MRPS27: variants seen among roughly 807,000 people sequenced by gnomAD.
The protein encoded by MRPS27 is small ribosomal subunit protein mS27.
Under a neutral mutation model 48.9 loss-of-function variants are expected in MRPS27, and 43 were observed. The observed-to-expected ratio is 0.88, with a 90% CI of 0.69 to 1.13. The LOEUF (loss-of-function observed/expected upper bound fraction) is 1.13, where lower values mean the gene tolerates loss of function less well. MRPS27 is among the 50% of genes most tolerant of loss of function. MRPS27 has a pLI of 0.00. For synonymous variants in MRPS27, 188 were observed against 171.9 expected (o/e 1.09, Z -0.73); for missense variants, 467 against 476.3 (o/e 0.98, Z 0.18).
rs1378175817 is a variant in MRPS27, at chr5:72,220,219, C to G, written c.*690G>C. The stretch of plus-strand genomic sequence containing the variant: ...TGTACCTGGGCTGGGGAGAGGGAGA[C>G]CATTCAAAAGCCTGTGCTTGGCCGG... On this transcript the variant is annotated 3_prime_UTR_variant, in exon 11 of 11. Transcript: ENST00000261413. The G allele has an allele frequency of 6.5e-6, 1 of 153,076 alleles. No homozygotes were observed. Among genetic ancestry groups the G allele is most frequent in the African/African-American group, 2.4e-5 (1 of 41,454 alleles). 9.5% of individuals were successfully genotyped at this position (153,076 alleles called of 1,614,324 possible). A position where few individuals can be genotyped will look rare whatever the true frequency, so the allele number is the denominator to read the frequency against.
intron 9 of MRPS27, among the ~76,000 whole-genome samples, chr5:72,225,380 A>G (rs867404826): frequency 6.6e-6 from 1 of 152,068 alleles, no homozygotes; most frequent in African/African-American, 2.4e-5. Context: ...CCTTCTCAGG[A>G]CTCACACTGG....
chr5:72,232,462 G>T lies in MRPS27; in HGVS notation c.572C>A (p.Ala191Glu). 1 of 1,611,494 alleles carries T rather than the reference G, an allele frequency of 6.2e-7. No homozygotes were observed. Among genetic ancestry groups the T allele is most frequent in the Non-Finnish European group, 8.5e-7 (1 of 1,178,272 alleles). Residue 191 changes from alanine (A) to glutamate (E), a missense_variant, in exon 7 of 11, where the codon GCA becomes GAA. Transcript: ENST00000261413. ...ACTTACACTGAAGTCTGTCTTCTTT[G>T]CCAGGCAATGAAATAAAACATAGAG... ...LSLYVLFHCL[A>E]KKTDFSWEEE...
chr5:72,297,655 C>A lies in MRPS27; in HGVS notation c.199G>T (p.Val67Phe). The A allele has an allele frequency of 6.2e-7, 1 of 1,601,566 alleles. No homozygotes were observed. The highest frequency in any genetic ancestry group is 8.5e-7 in the Non-Finnish European group (1 of 1,174,096). The change falls in exon 3 of 11, where the codon GTT becomes TTT. Residue 67 changes from valine to phenylalanine, a missense_variant. By Grantham distance (50) the Val-to-Phe change is conservative. Transcript: ENST00000261413. ...MDKTFERKLPVSSLTISRLID... is the reference protein window; with the variant it reads ...MDKTFERKLPFSSLTISRLID... ...ACCCGTGATATTGTTAAAGAACTAA[C>A]AGGCAACTTTCTCTCAAATGTTTTA...
At chr5:72,229,226 A>G (rs942929318) in intron 7 of MRPS27, 1 of 152,184 alleles carries the variant, frequency 6.6e-6, no homozygotes, top group Non-Finnish European at 1.5e-5. Flanking sequence ...CTGCACCAAG[A>G]GATTAGGGAG....
At chr5:72,234,238 T>G (rs776519107) in intron 5 of MRPS27, 41 bp from the exon 6 acceptor site, 11 of 1,384,856 alleles carry the variant, frequency 7.9e-6, no homozygotes, top group Middle Eastern at 2.5e-4. Flanking sequence ...AAGAGAAAAT[T>G]ATCTAATTTA....
intron 4 of MRPS27, among the ~76,000 whole-genome samples, chr5:72,278,747 A>C (rs1314457967): frequency 6.6e-6 from 1 of 151,770 alleles, no homozygotes; most frequent in Non-Finnish European, 1.5e-5. Context: ...TTTTTTACTC[A>C]TTATGTTTTG....
intron 1 of MRPS27, among the ~76,000 whole-genome samples, chr5:72,315,240 C>T (rs1750534716): frequency 6.6e-6 from 1 of 151,626 alleles, no homozygotes; most frequent in African/African-American, 2.4e-5. Flanking sequence ...AATCTTACAA[C>T]TCAAAAATAA....
Position 72,312,772 on chromosome 5 carries a change from C to T in MRPS27, c.151+1309G>A, listed in dbSNP as rs202227930. On this transcript the variant is annotated intron_variant, in intron 2 of 10. Transcript: ENST00000261413. Reference sequence around the variant, plus strand: ...AGTAGCTGGGATTACAGATGCCTGCCACTGCGCCCGGCTAATTTTTGTATT... The same window carrying T: ...AGTAGCTGGGATTACAGATGCCTGCTACTGCGCCCGGCTAATTTTTGTATT... 3.0e-4 allele frequency among the ~76,000 whole-genome samples: 46 copies of T among 151,996 alleles called. No individual in the cohort carries two copies. The East Asian group carries it at 7.2e-3, about 24-fold the overall frequency.
chr5:72,253,187 C>T (rs1025481899), intron 4 of MRPS27, among the ~76,000 whole-genome samples: 6 of 152,158 alleles, frequency 3.9e-5, no homozygotes, highest in African/African-American at 9.7e-5. Flanking sequence ...CTGCTAACTC[C>T]ATTACTTTTG....
At chr5:72,281,930 A>T (rs998444078) in intron 4 of MRPS27, among the ~76,000 whole-genome samples, 1 of 152,200 alleles carries the variant, frequency 6.6e-6, no homozygotes, top group African/African-American at 2.4e-5. Flanking sequence ...CATAATGAAT[A>T]CACTGTTCAT....
intron 4 of MRPS27, among the ~76,000 whole-genome samples, chr5:72,280,616 A>T (rs888220381): frequency 2.6e-5 from 4 of 152,374 alleles, no homozygotes; most frequent in Non-Finnish European, 5.9e-5. Flanking sequence ...AACATTAAAC[A>T]ACTTTAGCCA....
intron 4 of MRPS27, chr5:72,288,805 T>C (rs1466960098): frequency 1.3e-5 from 2 of 152,194 alleles, no homozygotes; most frequent in African/African-American, 4.8e-5. Flanking sequence ...ACAGAAAAAT[T>C]TAAGATTACC....
intron 1 of MRPS27, among the ~76,000 whole-genome samples, chr5:72,315,316 A>G (rs571457718): frequency 9.2e-5 from 14 of 152,280 alleles, no homozygotes; most frequent in African/African-American, 3.1e-4. Flanking sequence ...AAAAACATAT[A>G]TACACTGAGG....
rs1472854042 is a variant in MRPS27 at position 72,223,774 on chromosome 5, T to G, written c.914A>C (p.Glu305Ala). Residue 305 changes from glutamate to alanine, a missense_variant, in exon 10 of 11, where the codon GAA becomes GCA. Glu to Ala is a moderately radical substitution (Grantham distance 107). Transcript: ENST00000261413. ...CAGTTTTTCTGACCCCTGGTTGTCT[T>G]CATCATTTTGGGACTGCTCCTCTGA... is the stretch of plus-strand genomic sequence containing the variant. ...GASEEQSQND[E>A]DNQGSEKLVE... The G allele has an allele frequency of 3.7e-6, 6 of 1,613,904 alleles. No homozygotes were observed. The highest frequency in any genetic ancestry group is 5.1e-6 in the Non-Finnish European group (6 of 1,179,948).
intron 4 of MRPS27, among the ~76,000 whole-genome samples, chr5:72,258,577 G>T (rs1485827969): frequency 6.6e-6 from 1 of 152,116 alleles, no homozygotes; most frequent in Admixed American, 6.5e-5. Context: ...ACGGACTAAT[G>T]CCACTACAAA....
intron 10 of MRPS27, among the ~76,000 whole-genome samples, chr5:72,221,498 T>A (rs1413857201): frequency 6.6e-6 from 1 of 152,162 alleles, no homozygotes; most frequent in African/African-American, 2.4e-5. Context: ...TGTGTCTCCC[T>A]GTGTAATTTC....
At chr5:72,274,092 G>A (rs1055851368) in intron 4 of MRPS27, among the ~76,000 whole-genome samples, 1 of 152,050 alleles carries the variant, frequency 6.6e-6, no homozygotes, top group Non-Finnish European at 1.5e-5. Context: ...AGTGGCTCAC[G>A]TCTATAATCC....
chr5:72,251,481 T>C (rs536627113), intron 4 of MRPS27, among the ~76,000 whole-genome samples: 1 of 152,336 alleles, frequency 6.6e-6, no homozygotes, highest in South Asian at 2.1e-4. Flanking sequence ...TTACCTATCA[T>C]GTTTTGCTCT....
intron 4 of MRPS27, among the ~76,000 whole-genome samples, chr5:72,283,415 CACTG>C (rs1285837422): frequency 6.6e-6 from 1 of 152,124 alleles, no homozygotes; most frequent in Non-Finnish European, 1.5e-5. Flanking sequence ...CAAAGAGATA[CACTG>C]GGCTAGCTGA....
Sources: gnomAD v4.1 joint callset for allele counts (sites outside exome capture counted in the v4.1 genomes callset) on GRCh38, gnomAD v4.1.1 for gene constraint, MANE v1.5 for transcripts, NCBI Gene and HGNC (gene_info 2026-07-23, HGNC 2026-07-21) for gene names.